Variants in OLA1 observed in about 807,000 individuals in gnomAD.
The protein encoded by OLA1 is obg-like ATPase 1.
OLA1 carries 14 observed loss-of-function variants against 48.4 expected under a neutral mutation model. The observed-to-expected ratio is 0.29, with a 90% CI of 0.19 to 0.45. The LOEUF is 0.45. OLA1 is among the 20% of genes least tolerant of loss of function. The pLI, the probability that OLA1 is intolerant of heterozygous loss-of-function variation, is 1.00. For synonymous variants in OLA1, 127 were observed against 150.4 expected, an observed-to-expected ratio of 0.84 and a Z score of 1.14; for missense variants, 325 against 467.1, an observed-to-expected ratio of 0.70 and a Z score of 2.80.
At chr2:174,176,980 A>G (rs1427533567) in intron 4 of OLA1, among the ~76,000 whole-genome samples, 1 of 152,146 alleles carries the variant, frequency 6.6e-6, no homozygotes, top group African/African-American at 2.4e-5. Context: ...GTTGTCCCAC[A>G]TCATTCAGAA....
intron 4 of OLA1, among the ~76,000 whole-genome samples, chr2:174,186,846 G>A (rs1435907470): frequency 6.6e-6 from 1 of 152,178 alleles, no homozygotes; most frequent in East Asian, 1.9e-4. Context: ...GAAACGTCCT[G>A]CAGGAGAGCA....
chr2:174,087,882 G>A (rs993303186), intron 7 of OLA1, among the ~76,000 whole-genome samples: 33 of 152,146 alleles, frequency 2.2e-4, no homozygotes, highest in Non-Finnish European at 2.6e-4. Flanking sequence ...TGGCATCTTT[G>A]TTGATATACA....
rs949968296 is a variant in OLA1, at chr2:174,247,572, C to T, written c.1-757G>A. The T allele has an allele frequency of 6.8e-5, 103 of 1,509,628 alleles. No homozygotes were observed. In the East Asian group the frequency reaches 2.5e-3, roughly 37 times the overall value. The allele number at this position is 1,509,628 out of a possible 1,614,324, so 93.5% of individuals were successfully genotyped here. On this transcript the variant is annotated intron_variant, in intron 1 of 10. Coordinates refer to ENST00000284719, the MANE Select transcript of OLA1 (RefSeq NM_013341.5). ...AATTCCATTGTGGAACCACCAGCAGCCAAGTCACCCTTCACACCAAACCAT... is the reference window on the plus strand; with the variant it reads ...AATTCCATTGTGGAACCACCAGCAGTCAAGTCACCCTTCACACCAAACCAT...
At chr2:174,112,749 C>T (rs1484729548) in intron 7 of OLA1, among the ~76,000 whole-genome samples, 1 of 152,192 alleles carries the variant, frequency 6.6e-6, no homozygotes, top group Non-Finnish European at 1.5e-5. Flanking sequence ...TGGGATGACC[C>T]TCAGAAGATG....
chr2:174,135,990 C>T lies in OLA1; in HGVS notation c.549+5835G>A, dbSNP rs546517649. Among the ~76,000 whole-genome samples, 4 of 152,276 alleles carry T rather than the reference C, an allele frequency of 2.6e-5. No homozygotes were observed. The South Asian group carries it at 8.3e-4, about 32-fold the overall frequency. On this transcript the variant is annotated intron_variant, in intron 5 of 10. Transcript: ENST00000284719. ...TTGTAGTCTATTAAGCGTACAATAG[C>T]ATGTCTACAAAAACAATGTATAAAC...
chr2:174,204,245 C>T (rs538739531), intron 4 of OLA1, among the ~76,000 whole-genome samples: 22 of 151,990 alleles, frequency 1.4e-4, no homozygotes, highest in Admixed American at 1.2e-3. Flanking sequence ...ACTAAAATTA[C>T]AAAAAATTAG....
At chr2:174,127,926 A>C (rs1046902596) in intron 5 of OLA1, among the ~76,000 whole-genome samples, 8 of 152,032 alleles carry the variant, frequency 5.3e-5, no homozygotes, top group Non-Finnish European at 1.0e-4. Context: ...GGGATGTTGG[A>C]GAATATTATA....
chr2:174,090,316 C>A (rs948997200), intron 7 of OLA1, among the ~76,000 whole-genome samples: 2 of 152,158 alleles, frequency 1.3e-5, no homozygotes, highest in Non-Finnish European at 2.9e-5. Flanking sequence ...ACGAGTGTTA[C>A]AACAGGCAGG....
intron 4 of OLA1, among the ~76,000 whole-genome samples, chr2:174,151,141 A>G (rs1458005027): frequency 1.3e-5 from 2 of 152,188 alleles, no homozygotes; most frequent in African/African-American, 2.4e-5. Flanking sequence ...TGAGTCTTAC[A>G]TGAATGAGTA....
At chr2:174,194,931 T>C (rs73972498) in intron 4 of OLA1, among the ~76,000 whole-genome samples, 3 of 152,302 alleles carry the variant, frequency 2.0e-5, no homozygotes, top group South Asian at 2.1e-4. Flanking sequence ...GTATACAACA[T>C]ACAAACGTGC....
chr2:174,184,089 C>A (rs1428159170), intron 4 of OLA1, among the ~76,000 whole-genome samples: 1 of 152,116 alleles, frequency 6.6e-6, no homozygotes, highest in African/African-American at 2.4e-5. Context: ...TTATAAAAAT[C>A]CAAGTATCCA....
chr2:174,235,523 C>T (rs894800998), intron 2 of OLA1, among the ~76,000 whole-genome samples: 1 of 152,194 alleles, frequency 6.6e-6, no homozygotes, highest in African/African-American at 2.4e-5. Context: ...CATCACAGGA[C>T]TGTGTTCCCT....
At chr2:174,116,128 A>G (rs1685776771) in intron 7 of OLA1, among the ~76,000 whole-genome samples, 1 of 152,234 alleles carries the variant, frequency 6.6e-6, no homozygotes, top group Non-Finnish European at 1.5e-5. Context: ...TTCTTGATGT[A>G]AAGCATTAAA....
intron 4 of OLA1, among the ~76,000 whole-genome samples, chr2:174,199,006 C>G (rs1687935754): frequency 6.6e-6 from 1 of 152,096 alleles, no homozygotes; most frequent in Non-Finnish European, 1.5e-5. Flanking sequence ...TAAGGCAGTC[C>G]TTGATGAATC....
At chr2:174,183,219 G>A (rs909933512) in intron 4 of OLA1, among the ~76,000 whole-genome samples, 1 of 152,166 alleles carries the variant, frequency 6.6e-6, no homozygotes, top group Admixed American at 6.5e-5. Flanking sequence ...GTTACAATGT[G>A]TTGGCATACC....
intron 4 of OLA1, among the ~76,000 whole-genome samples, chr2:174,193,521 A>G (rs1253649236): frequency 6.6e-6 from 1 of 152,164 alleles, no homozygotes; most frequent in Non-Finnish European, 1.5e-5. Context: ...TAGAAACTAA[A>G]TAGTTTTTAT....
At chr2:174,156,303 G>A (rs977237553) in intron 4 of OLA1, among the ~76,000 whole-genome samples, 2 of 151,954 alleles carry the variant, frequency 1.3e-5, no homozygotes, top group African/African-American at 4.8e-5. Context: ...TAACACACAC[G>A]CACACAAGCA....
chr2:174,239,962 C>T (rs865850823), intron 2 of OLA1, among the ~76,000 whole-genome samples: 1 of 151,474 alleles, frequency 6.6e-6, no homozygotes, highest in African/African-American at 2.4e-5. Context: ...AAAAAAAGGA[C>T]ATTAGAGGGA....
chr2:174,095,325 G>GTTTTTTTTTTTTTTTTTTTTTTTTT (rs1205716344), intron 7 of OLA1, among the ~76,000 whole-genome samples: 61 of 77,980 alleles, frequency 7.8e-4, no homozygotes, highest in Middle Eastern at 0.011. Context: ...GTTATTTCCT[G>GTTTTTTTTTTTTTTTTTTTTTTTTT]TTTTTTTTTT....
Sources: gnomAD v4.1 joint callset for allele counts (sites outside exome capture counted in the v4.1 genomes callset) on GRCh38, gnomAD v4.1.1 for gene constraint, MANE v1.5 for transcripts, NCBI Gene and HGNC (gene_info 2026-07-23, HGNC 2026-07-21) for gene names.